The following ROS1 variants were observed in gnomAD, a reference collection of about 807,000 sequenced individuals.
The protein encoded by ROS1 is proto-oncogene tyrosine-protein kinase ROS.
ROS1 carries 263 observed loss-of-function variants against 273.5 expected under a neutral mutation model. The observed-to-expected ratio is 0.96, with a 90% CI of 0.87 to 1.06. The LOEUF (loss-of-function observed/expected upper bound fraction) is 1.06. ROS1 is among the 50% of genes least tolerant of loss of function. ROS1 has a pLI of 0.00. For synonymous variants in ROS1, 1,008 were observed against 954.1 expected (o/e 1.06, Z -1.04); for missense variants, 2,833 against 2,751.1 (o/e 1.03, Z -0.67).
intron 18 of ROS1, among the ~76,000 whole-genome samples, chr6:117,378,830 C>A (rs747105980): frequency 3.3e-5 from 5 of 152,132 alleles, no homozygotes; most frequent in African/African-American, 4.8e-5. Context: ...TCTTAAGCAG[C>A]ATTCTCCTGA....
intron 4 of ROS1, among the ~76,000 whole-genome samples, chr6:117,413,676 T>C (rs1476636684): frequency 6.6e-6 from 1 of 152,066 alleles, no homozygotes; most frequent in African/African-American, 2.4e-5. Context: ...GCAAAGGATT[T>C]TGTTGCACAA....
chr6:117,311,609 G>A (rs561578985), intron 39 of ROS1, among the ~76,000 whole-genome samples: 1 of 152,060 alleles, frequency 6.6e-6, no homozygotes, highest in African/African-American at 2.4e-5. Context: ...AGTGCTAGCT[G>A]GTTTAATTAT....
rs893302867 is a variant in ROS1 at position 117,288,237 on chromosome 6, G to C, written c.*255C>G. On this transcript the variant is annotated 3_prime_UTR_variant, in exon 44 of 44. Coordinates refer to ENST00000368507, the MANE Select transcript of ROS1 (RefSeq NM_001378902.1). ...AAGGGAGAGCAGTGTTTCCCTTCCA[G>C]ACTTCTGAGTCTTCCTAAGCTTTCC... The C allele has an allele frequency of 6.2e-6, 3 of 485,750 alleles. No individual in the cohort carries two copies. The highest frequency in any genetic ancestry group is 1.1e-5 in the Non-Finnish European group (3 of 275,616). The allele number at this position is 485,750 out of a possible 1,614,324, so 30.1% of individuals were successfully genotyped here. A position where few individuals can be genotyped will look rare whatever the true frequency, so the allele number is the denominator to read the frequency against.
rs59464352 is a variant in ROS1 at position 117,378,585 on chromosome 6, G to A, written c.2582+474C>T. Among the ~76,000 whole-genome samples the A allele has an allele frequency of 7.1e-3, 1,079 of 152,218 alleles. 10 individuals are homozygous for A. Among genetic ancestry groups the A allele is most frequent in the African/African-American group, 0.024 (1,003 of 41,546 alleles). On this transcript the variant is annotated intron_variant, in intron 18 of 43. Coordinates refer to ENST00000368507, the MANE Select transcript of ROS1 (RefSeq NM_001378902.1). ...TTTTAACTAATTTTTTAAAATAAAA[G>A]TGTAAAATTTATTTTTAAAATATCT... is the stretch of plus-strand genomic sequence containing the variant.
At chr6:117,365,985 T>G in intron 19 of ROS1, 91 bp downstream of exon 19, 1 of 1,185,612 alleles carries the variant, frequency 8.4e-7, no homozygotes, top group Admixed American at 1.9e-5. Context: ...CTCTTAAAAC[T>G]TAATTCTTAA....
chr6:117,422,390 G>A (rs1449985931), intron 1 of ROS1, among the ~76,000 whole-genome samples: 5 of 152,058 alleles, frequency 3.3e-5, no homozygotes, highest in Non-Finnish European at 7.4e-5. Context: ...TATGCTACAT[G>A]GATAGCAACT....
intron 31 of ROS1, among the ~76,000 whole-genome samples, chr6:117,340,078 A>G (rs543630417): frequency 6.6e-6 from 1 of 152,288 alleles, no homozygotes; most frequent in South Asian, 2.1e-4. Flanking sequence ...ACTGAACTGC[A>G]TTAAGTTTAC....
intron 32 of ROS1, among the ~76,000 whole-genome samples, chr6:117,335,760 C>G (rs1252712653): frequency 6.6e-6 from 1 of 152,154 alleles, no homozygotes; most frequent in Non-Finnish European, 1.5e-5. Context: ...AGCACGTGTT[C>G]TCACTCATAA....
chr6:117,302,279 C>T (rs1386742812), intron 42 of ROS1, among the ~76,000 whole-genome samples: 2 of 152,122 alleles, frequency 1.3e-5, no homozygotes, highest in African/African-American at 4.8e-5. Context: ...AACCCAACCT[C>T]TCTTATTTTC....
chr6:117,293,097 A>C (rs1179448013), intron 43 of ROS1, among the ~76,000 whole-genome samples: 1 of 152,022 alleles, frequency 6.6e-6, no homozygotes, highest in East Asian at 1.9e-4. Context: ...TTTCATACCT[A>C]AGCTTCTAAG....
intron 32 of ROS1, 67 bp downstream of exon 32, chr6:117,337,105 T>G: frequency 8.3e-7 from 1 of 1,209,060 alleles, no homozygotes; most frequent in Non-Finnish European, 1.2e-6. Context: ...CTAGGATTAG[T>G]GAAATAAGTG....
At chr6:117,336,768 A>C (rs1777511193) in intron 32 of ROS1, among the ~76,000 whole-genome samples, 1 of 152,068 alleles carries the variant, frequency 6.6e-6, no homozygotes, top group South Asian at 2.1e-4. Flanking sequence ...CTCATCTCAG[A>C]GTTAAGGTAT....
chr6:117,300,946 C>T (rs1582551946), intron 43 of ROS1, 28 bp downstream of exon 43: 1 of 1,524,554 alleles, frequency 6.6e-7, no homozygotes, highest in East Asian at 2.4e-5. Context: ...GCAGCGAAAA[C>T]TAGAAAATTC....
At chr6:117,330,518 G>T (rs1777002658) in intron 32 of ROS1, among the ~76,000 whole-genome samples, 1 of 152,204 alleles carries the variant, frequency 6.6e-6, no homozygotes, top group Non-Finnish European at 1.5e-5. Flanking sequence ...CCAACTGGGT[G>T]AGACCCTCCA....
chr6:117,383,226 C>T, intron 17 of ROS1, 91 bp downstream of exon 17: 1 of 1,002,012 alleles, frequency 1.0e-6, no homozygotes. Context: ...TAGGAGTCTG[C>T]TTTAAGTACT....
chr6:117,373,235 A>C (rs1780982797), intron 18 of ROS1, among the ~76,000 whole-genome samples: 1 of 152,226 alleles, frequency 6.6e-6, no homozygotes, highest in African/African-American at 2.4e-5. Flanking sequence ...CGCCTAGTGG[A>C]TCCTGTGCCA....
chr6:117,317,585 G>T (rs1776007296), intron 38 of ROS1, among the ~76,000 whole-genome samples: 1 of 152,056 alleles, frequency 6.6e-6, no homozygotes, highest in Non-Finnish European at 1.5e-5. Flanking sequence ...AAAACATTGG[G>T]TTTTGGGTCA....
chr6:117,394,849 G>A, intron 9 of ROS1, 111 bp from the exon 10 acceptor site: 3 of 951,598 alleles, frequency 3.2e-6, no homozygotes, highest in Non-Finnish European at 4.4e-6. Context: ...GCTTGAAAGA[G>A]GCTGGTCAAA....
chr6:117,408,219 T>A (rs1342635630), intron 5 of ROS1, among the ~76,000 whole-genome samples: 2 of 151,878 alleles, frequency 1.3e-5, no homozygotes, highest in African/African-American at 4.8e-5. Context: ...AAATGGGATC[T>A]AATTAAACTA....
Sources: gnomAD v4.1 joint callset for allele counts (sites outside exome capture counted in the v4.1 genomes callset) on GRCh38, gnomAD v4.1.1 for gene constraint, MANE v1.5 for transcripts, NCBI Gene and HGNC (gene_info 2026-07-23, HGNC 2026-07-21) for gene names.